Variants in GPHN observed in about 807,000 individuals in gnomAD.
GPHN encodes gephyrin.
GPHN carries 17 observed loss-of-function variants against 95.5 expected under a neutral mutation model. That is an observed-to-expected ratio of 0.18 (90% CI 0.12 to 0.27). The LOEUF is 0.27. Ranked by LOEUF, GPHN falls within the 10% of genes least tolerant of loss-of-function variation. GPHN has a pLI of 1.00. For synonymous variants in GPHN, 320 were observed against 322.5 expected (o/e 0.99, Z 0.08); for missense variants, 660 against 978.1 (o/e 0.67, Z 4.34).
At chr14:67,620,217 G>A in the GPHN span, 2 of 591,012 alleles carry the variant, frequency 3.4e-6, no homozygotes, top group Non-Finnish European at 5.7e-6. Flanking sequence ...GGAAGAGCTG[G>A]CCGGTTCCCG....
chr14:67,534,221 G>A, the GPHN span, among the ~76,000 whole-genome samples: 2 of 152,060 alleles, frequency 1.3e-5, no homozygotes, highest in African/African-American at 4.8e-5. Context: ...ATAGAACATC[G>A]GTATTAGTGT....
At chr14:67,655,028 CAA>C in the GPHN span, among the ~76,000 whole-genome samples, 8 of 43,500 alleles carry the variant, frequency 1.8e-4, no homozygotes, top group Admixed American at 3.4e-4. Flanking sequence ...GACTCCATCT[CAA>C]AAAAAAAAAA....
intron 13 of GPHN, among the ~76,000 whole-genome samples, chr14:67,106,597 C>T (rs971028997): frequency 3.3e-5 from 5 of 152,022 alleles, no homozygotes; most frequent in African/African-American, 9.7e-5. Context: ...TATTGAAGCT[C>T]TCTATTGTAA....
chr14:67,438,626 C>T, the GPHN span, among the ~76,000 whole-genome samples: 2 of 151,938 alleles, frequency 1.3e-5, no homozygotes, highest in African/African-American at 2.4e-5. Flanking sequence ...TTTGGGAGGT[C>T]GAGGTGGGTG....
chr14:67,559,330 T>C, the GPHN span, among the ~76,000 whole-genome samples: 1 of 152,222 alleles, frequency 6.6e-6, no homozygotes, highest in Admixed American at 6.5e-5. Context: ...ACTATTAACT[T>C]TGCTTGCATA....
At chr14:67,140,051 C>T (rs10138850) in intron 17 of GPHN, among the ~76,000 whole-genome samples, 47,948 of 151,878 alleles carry the variant, frequency 0.32, 11,858 homozygotes, top group African/African-American at 0.67. Context: ...TCTGAGGTTT[C>T]ACAAAATAGG....
At chr14:66,680,961 G>A (rs1453716770) in intron 1 of GPHN, 146 bp from the exon 2 acceptor site, 2 of 614,920 alleles carry the variant, frequency 3.3e-6, no homozygotes, top group Non-Finnish European at 5.7e-6. Context: ...AATTCACCAG[G>A]CCTATAAATA....
At chr14:67,662,364 G>C in the GPHN span, 118 of 1,004,228 alleles carry the variant, frequency 1.2e-4, 2 homozygotes, top group South Asian at 1.3e-3. Context: ...GTAAGAAATA[G>C]TCAAAATCAA....
chr14:66,580,746 A>G (rs1048900501), intron 1 of GPHN, among the ~76,000 whole-genome samples: 7 of 151,898 alleles, frequency 4.6e-5, no homozygotes, highest in African/African-American at 1.7e-4. Flanking sequence ...AAATATTTAA[A>G]GAATAAACAC....
intron 2 of GPHN, among the ~76,000 whole-genome samples, chr14:66,693,935 A>G (rs781422695): frequency 5.3e-5 from 8 of 152,192 alleles, no homozygotes; most frequent in Non-Finnish European, 1.2e-4. Flanking sequence ...ACTTGACACT[A>G]TACAGCTTCA....
At chr14:66,642,577 A>G (rs2064482973) in intron 1 of GPHN, among the ~76,000 whole-genome samples, 1 of 134,382 alleles carries the variant, frequency 7.4e-6, no homozygotes, top group East Asian at 2.4e-4. Context: ...TTTTTTTGAA[A>G]CTGGGAGTAG....
intron 1 of GPHN, among the ~76,000 whole-genome samples, chr14:66,525,068 C>T (rs886648310): frequency 6.6e-6 from 1 of 152,132 alleles, no homozygotes; most frequent in Non-Finnish European, 1.5e-5. Flanking sequence ...CTTGAGGAAT[C>T]ACCACAGTGT....
At chr14:67,107,710 GA>G (rs2078124588) in intron 13 of GPHN, among the ~76,000 whole-genome samples, 1 of 152,172 alleles carries the variant, frequency 6.6e-6, no homozygotes, top group Non-Finnish European at 1.5e-5. Context: ...AGAAGCAGCA[GA>G]TACCTTAGAA....
chr14:67,535,857 T>A, the GPHN span, among the ~76,000 whole-genome samples: 2 of 152,196 alleles, frequency 1.3e-5, no homozygotes, highest in African/African-American at 4.8e-5. Flanking sequence ...GAAATGGCCA[T>A]TTTGAAGGTT....
At chr14:67,578,005 A>G in the GPHN span, 1 of 1,608,182 alleles carries the variant, frequency 6.2e-7, no homozygotes, top group Non-Finnish European at 8.5e-7. The surrounding 1 kb of genome is among the most constrained non-coding windows in gnomAD (Gnocchi z 5.0). Context: ...GCCTGTGCTC[A>G]CTGCTGTTCC....
intron 1 of GPHN, among the ~76,000 whole-genome samples, chr14:66,587,114 C>T (rs974062607): frequency 6.6e-6 from 1 of 152,034 alleles, no homozygotes; most frequent in South Asian, 2.1e-4. Context: ...CAGTTATACA[C>T]AAACAAATTA....
chr14:67,307,286 A>T, the GPHN span, among the ~76,000 whole-genome samples: 1 of 149,908 alleles, frequency 6.7e-6, no homozygotes. Context: ...CTAGTTTGTA[A>T]AACTTTAGAT....
intron 1 of GPHN, among the ~76,000 whole-genome samples, chr14:66,534,581 T>C (rs2059065467): frequency 6.6e-6 from 1 of 152,196 alleles, no homozygotes; most frequent in Admixed American, 6.5e-5. Context: ...TTTCTTTTTA[T>C]GAATATATTG....
chr14:67,425,939 G>T, the GPHN span, among the ~76,000 whole-genome samples: 6 of 151,840 alleles, frequency 4.0e-5, 1 homozygote, highest in Admixed American at 1.3e-4. Flanking sequence ...TGGAGACAGG[G>T]TCTTGCTATA....
Sources: allele counts gnomAD v4.1 joint callset (sites outside exome capture counted in the v4.1 genomes callset), GRCh38; gene constraint gnomAD v4.1.1; non-coding constraint Gnocchi (gnomAD v3.1); transcripts MANE v1.5; gene names NCBI Gene and HGNC (gene_info 2026-07-23, HGNC 2026-07-21).